Variants in TMEM67 observed in about 807,000 individuals in gnomAD.
TMEM67 encodes the protein meckelin.
A neutral mutation model predicts 136.6 loss-of-function variants in TMEM67; 124 were observed. The ratio of observed to expected loss-of-function variants is 0.91; its 90% confidence interval spans 0.78 to 1.05. TMEM67 has a LOEUF of 1.05. Among genes scored for constraint, TMEM67 ranks in the 50% least tolerant of loss-of-function variants. TMEM67 has a pLI of 0.00. For synonymous variants in TMEM67, 364 were observed against 390.5 expected (o/e 0.93, Z 0.80); for missense variants, 1,107 against 1,178.4 (o/e 0.94, Z 0.89).
At chr8:93,795,880 A>G (rs1335909670) in intron 17 of TMEM67, 21 bp from the exon 18 acceptor site, 1 of 1,501,272 alleles carries the variant, frequency 6.7e-7, no homozygotes, top group South Asian at 1.2e-5. Flanking sequence ...ATAATATTTA[A>G]TCAAGTAATT....
intron 6 of TMEM67, among the ~76,000 whole-genome samples, chr8:93,768,013 G>T (rs1813157029): frequency 6.6e-6 from 1 of 151,656 alleles, no homozygotes; most frequent in African/African-American, 2.4e-5. Flanking sequence ...TTACAGGCAT[G>T]CACCACCACA....
At chr8:93,788,076 T>C in intron 14 of TMEM67, 127 bp downstream of exon 14, 1 of 707,014 alleles carries the variant, frequency 1.4e-6, no homozygotes, top group South Asian at 1.6e-5. Context: ...TCTCTACATA[T>C]AGTCAAGTCT....
At chr8:93,794,470 T>G (rs1814519717) in intron 16 of TMEM67, among the ~76,000 whole-genome samples, 1 of 152,232 alleles carries the variant, frequency 6.6e-6, no homozygotes, top group Non-Finnish European at 1.5e-5. Flanking sequence ...TTATTATTAT[T>G]TGCGTTTTAC....
intron 6 of TMEM67, among the ~76,000 whole-genome samples, chr8:93,771,978 A>AT (rs1813348682): frequency 6.6e-6 from 1 of 152,156 alleles, no homozygotes; most frequent in African/African-American, 2.4e-5. Flanking sequence ...AGTTTCTCAT[A>AT]TTTTAGCAAG....
At chr8:93,770,742 C>T (rs1435389197) in intron 6 of TMEM67, among the ~76,000 whole-genome samples, 5 of 152,058 alleles carry the variant, frequency 3.3e-5, no homozygotes, top group Admixed American at 6.6e-5. Context: ...AGGCTGGACG[C>T]GGTGGCTCAC....
At chr8:93,783,641 C>T (rs538457071) in intron 11 of TMEM67, among the ~76,000 whole-genome samples, 6 of 152,220 alleles carry the variant, frequency 3.9e-5, no homozygotes, top group Middle Eastern at 3.4e-3. Context: ...AAAACACATC[C>T]GAGACTGGGT....
intron 16 of TMEM67, 105 bp from the exon 17 acceptor site, chr8:93,795,304 C>G: frequency 1.1e-6 from 1 of 949,200 alleles, no homozygotes; most frequent in South Asian, 1.3e-5. Flanking sequence ...AACAAGGCTT[C>G]AGGCTTAAGA....
Position 93,808,849 on chromosome 8 carries a change from T to G in TMEM67, c.2449T>G (p.Cys817Gly). The change falls in exon 24 of 28, where the codon TGT (cysteine) becomes GGT (glycine). Residue 817 changes from cysteine (C) to glycine (G), a missense_variant. Coordinates refer to ENST00000453321, the MANE Select transcript of TMEM67 (RefSeq NM_153704.6). The part of the protein sequence containing the change: ...MNLKREAENL[C>G]SQRGLVPNTD... ...TTCTTTAACTTTTCAGGAAAATTTG[T>G]GTAGCCAGAGAGGTTTGGTACCCAA... is the stretch of plus-strand genomic sequence containing the variant. 2 of 1,606,384 alleles carry G rather than the reference T, an allele frequency of 1.2e-6. No individual in the cohort carries two copies. Among genetic ancestry groups the G allele is most frequent in the Non-Finnish European group, 1.7e-6 (2 of 1,173,464 alleles).
intron 11 of TMEM67, among the ~76,000 whole-genome samples, chr8:93,784,774 A>G (rs1296322567): frequency 6.6e-6 from 1 of 152,232 alleles, no homozygotes; most frequent in Non-Finnish European, 1.5e-5. Context: ...ACCACCATAG[A>G]CTGATAGGGA....
At position 93,803,603 on chromosome 8, in the gene TMEM67, G is replaced by A; in HGVS notation, c.2242-1G>A. Reference sequence around the variant, plus strand: ...AGCATAAACTTGACTTAATGTTTCAGGTCGTGTTCTTTGCTGTCTTTTATG... The same window carrying A: ...AGCATAAACTTGACTTAATGTTTCAAGTCGTGTTCTTTGCTGTCTTTTATG... On this transcript the variant is annotated splice_acceptor_variant, in intron 21 of 27. Coordinates refer to ENST00000453321, the MANE Select transcript of TMEM67 (RefSeq NM_153704.6). LOFTEE classifies it high-confidence loss of function. 6.3e-7 allele frequency: 1 copy of A among 1,583,628 alleles called. No individual in the cohort carries two copies. The highest frequency in any genetic ancestry group is 8.7e-7 in the Non-Finnish European group (1 of 1,152,700).
At chr8:93,766,406 C>A (rs534372042) in intron 6 of TMEM67, among the ~76,000 whole-genome samples, 1 of 152,246 alleles carries the variant, frequency 6.6e-6, no homozygotes, top group Non-Finnish European at 1.5e-5. Context: ...GCATGAGCCA[C>A]TGCGCCCAGC....
chr8:93,761,723 T>G (rs73694918), intron 3 of TMEM67, among the ~76,000 whole-genome samples: 2,788 of 152,332 alleles, frequency 0.018, 86 homozygotes, highest in African/African-American at 0.061. Flanking sequence ...AAAGCAAGAT[T>G]TGGAATAATT....
At chr8:93,784,704 A>G (rs1046621556) in intron 11 of TMEM67, among the ~76,000 whole-genome samples, 1 of 152,238 alleles carries the variant, frequency 6.6e-6, no homozygotes, top group African/African-American at 2.4e-5. Context: ...ATTTGTAATG[A>G]CAGAGAGACA....
chr8:93,777,198 T>C lies in TMEM67; in HGVS notation c.715-3395T>C, dbSNP rs549945663. On this transcript the variant is annotated intron_variant, in intron 7 of 27. Transcript: ENST00000453321. ...TATTTCTGTGGGATCGGTGGTGATA[T>C]CGCCTTTATCATTTTTTATTGCGTC... Among the ~76,000 whole-genome samples the C allele has an allele frequency of 3.9e-5, 6 of 152,334 alleles. No homozygotes were observed. In the East Asian group the frequency reaches 1.2e-3, roughly 29 times the overall value.
chr8:93,795,561 C>T (rs1265773294), intron 17 of TMEM67, 54 bp downstream of exon 17: 6 of 1,431,170 alleles, frequency 4.2e-6, no homozygotes, highest in Non-Finnish European at 4.9e-6. Context: ...AGTTGAAAAG[C>T]TTTCTTTATA....
Position 93,809,816 on chromosome 8 carries a change from A to G in TMEM67, c.2693A>G (p.Asp898Gly), listed in dbSNP as rs775146490. Residue 898 changes from aspartate to glycine, a missense_variant, in exon 26 of 28, where the codon GAT becomes GGT. Transcript: ENST00000453321. ...VHKEMDYFIK[D>G]KLLLERILGM... ...AAGGAAATGGATTACTTTATAAAAGATAAGTTGCTTCTTGAAAGAATTCTT... is the reference window on the plus strand; with the variant it reads ...AAGGAAATGGATTACTTTATAAAAGGTAAGTTGCTTCTTGAAAGAATTCTT... The G allele has an allele frequency of 2.5e-6, 4 of 1,604,296 alleles. No individual in the cohort carries two copies. The highest frequency in any genetic ancestry group is 2.2e-5 in the East Asian group (1 of 44,668).
At chr8:93,830,512 G>A in the TMEM67 span, among the ~76,000 whole-genome samples, 1 of 152,168 alleles carries the variant, frequency 6.6e-6, no homozygotes, top group Admixed American at 6.5e-5. Context: ...TCAACCCGTG[G>A]GATCTGACAC....
chr8:93,813,954 A>C (rs765532518), intron 26 of TMEM67, among the ~76,000 whole-genome samples: 3 of 152,132 alleles, frequency 2.0e-5, no homozygotes, highest in Non-Finnish European at 4.4e-5. Flanking sequence ...TAGATCAGTG[A>C]ATTTTCACAA....
the TMEM67 span, among the ~76,000 whole-genome samples, chr8:93,832,469 C>G: frequency 6.6e-6 from 1 of 152,110 alleles, no homozygotes; most frequent in South Asian, 2.1e-4. Flanking sequence ...TTGGAGAGAT[C>G]ACCTTCTATA....
Sources: allele counts gnomAD v4.1 joint callset (sites outside exome capture counted in the v4.1 genomes callset), GRCh38; gene constraint gnomAD v4.1.1; transcripts MANE v1.5; gene names NCBI Gene and HGNC (gene_info 2026-07-23, HGNC 2026-07-21).